The following KCNIP4 variants were observed in gnomAD, a reference collection of about 807,000 sequenced individuals.
KCNIP4 encodes the protein potassium voltage-gated channel interacting protein 4, also known as Kv channel-interacting protein 4.
A neutral mutation model predicts 34.0 loss-of-function variants in KCNIP4; 12 were observed. That is an observed-to-expected ratio of 0.35 (90% CI 0.23 to 0.57). KCNIP4 has a LOEUF of 0.57. Ranked by LOEUF, KCNIP4 falls within the 20% of genes least tolerant of loss-of-function variation. The pLI is 0.83. For synonymous variants in KCNIP4, 124 were observed against 102.2 expected (o/e 1.21, Z -1.29); for missense variants, 238 against 311.7 (o/e 0.76, Z 1.78).
chr4:20,844,386 C>T (rs1451435702), intron 3 of KCNIP4, among the ~76,000 whole-genome samples: 2 of 152,126 alleles, frequency 1.3e-5, no homozygotes, highest in South Asian at 2.1e-4. Context: ...TTAAGGAAGG[C>T]CTTTTATCTG....
intron 1 of KCNIP4, among the ~76,000 whole-genome samples, chr4:20,958,175 C>A: frequency 6.6e-6 from 1 of 152,204 alleles, no homozygotes; most frequent in Non-Finnish European, 1.5e-5. Context: ...AGAAAGGACT[C>A]CTGTGAAATT....
At chr4:21,103,372 T>G (rs921656868) in intron 1 of KCNIP4, among the ~76,000 whole-genome samples, 1 of 146,976 alleles carries the variant, frequency 6.8e-6, no homozygotes, top group Non-Finnish European at 1.5e-5. Context: ...ATATATAAGA[T>G]ATATATATTT....
Position 21,195,136 on chromosome 4 carries a change from C to T in KCNIP4, c.62-312427G>A, listed in dbSNP as rs373664964. 1.1e-3 allele frequency among the ~76,000 whole-genome samples: 168 copies of T among 152,250 alleles called. 4 individuals carry two copies. The South Asian group carries it at 0.034, about 31-fold the overall frequency. ...CACTTGTCCAGGAAATCTTCATTGC[C>T]GCAAATGTTCTCTCCCTCAAGGTCA... On this transcript the variant is annotated intron_variant, in intron 1 of 8. Transcript: ENST00000382152.
intron 1 of KCNIP4, among the ~76,000 whole-genome samples, chr4:21,907,220 A>G (rs1728053467): frequency 6.6e-6 from 1 of 152,160 alleles, no homozygotes; most frequent in South Asian, 2.1e-4. Context: ...TTCTCAGAGC[A>G]GTAAGTGAAT....
chr4:21,611,852 C>T (rs1379883173), intron 1 of KCNIP4, among the ~76,000 whole-genome samples: 1 of 152,116 alleles, frequency 6.6e-6, no homozygotes, highest in East Asian at 1.9e-4. Flanking sequence ...GGTACAAGAC[C>T]AACTATGGAA....
intron 1 of KCNIP4, among the ~76,000 whole-genome samples, chr4:21,670,902 C>T (rs1386248908): frequency 2.6e-5 from 4 of 151,684 alleles, no homozygotes; most frequent in Non-Finnish European, 4.4e-5. Flanking sequence ...GTGATCCGCC[C>T]GCCTCGGCCT....
chr4:21,534,007 T>A (rs766390957), intron 1 of KCNIP4, among the ~76,000 whole-genome samples: 3 of 152,148 alleles, frequency 2.0e-5, no homozygotes, highest in African/African-American at 7.2e-5. Flanking sequence ...CATATGACCT[T>A]TGGCTAGACT....
chr4:21,325,789 T>C (rs924262492), intron 1 of KCNIP4, among the ~76,000 whole-genome samples: 3 of 151,940 alleles, frequency 2.0e-5, no homozygotes, highest in Non-Finnish European at 4.4e-5. Flanking sequence ...TTTTTACATG[T>C]TGTGTTTTCA....
chr4:21,365,529 T>G (rs201723428), intron 1 of KCNIP4, among the ~76,000 whole-genome samples: 2 of 39,340 alleles, frequency 5.1e-5, no homozygotes, highest in African/African-American at 1.2e-4. Flanking sequence ...AAATAAAAAA[T>G]AAAGAAAGAA....
At chr4:21,374,439 G>A (rs1374243596) in intron 1 of KCNIP4, among the ~76,000 whole-genome samples, 1 of 146,884 alleles carries the variant, frequency 6.8e-6, no homozygotes, top group East Asian at 2.0e-4. Flanking sequence ...AACAGTATGC[G>A]GGAAACCATA....
In KCNIP4 at chr4:21,742,563, T is replaced by C. The variant is rs149262933; in HGVS notation, c.61+206008A>G. 8.8e-3 allele frequency among the ~76,000 whole-genome samples: 1,335 copies of C among 152,326 alleles called. 19 individuals carry two copies. Among genetic ancestry groups the C allele is most frequent in the South Asian group, 0.039 (188 of 4,832 alleles). Reference sequence around the variant, plus strand: ...AATCAGCATTTCAAGTTCCAATTACTTGTGACAATGAAAAGATGGAGTTAC... The same window carrying C: ...AATCAGCATTTCAAGTTCCAATTACCTGTGACAATGAAAAGATGGAGTTAC... On this transcript the variant is annotated intron_variant, in intron 1 of 8. Transcript: ENST00000382152.
At chr4:21,534,486 G>A (rs1032724228) in intron 1 of KCNIP4, among the ~76,000 whole-genome samples, 6 of 152,156 alleles carry the variant, frequency 3.9e-5, no homozygotes, top group Non-Finnish European at 7.3e-5. Context: ...TGAATCTTAA[G>A]AAGTTGCTTG....
intron 1 of KCNIP4, among the ~76,000 whole-genome samples, chr4:21,880,131 T>C (rs990394647): frequency 6.6e-6 from 1 of 152,172 alleles, no homozygotes; most frequent in African/African-American, 2.4e-5. Flanking sequence ...TATAGTTGAC[T>C]GTCTTGCTTT....
intron 1 of KCNIP4, among the ~76,000 whole-genome samples, chr4:21,865,817 A>G (rs921627900): frequency 4.6e-5 from 7 of 151,992 alleles, no homozygotes; most frequent in African/African-American, 1.7e-4. Flanking sequence ...TGCTGGGATT[A>G]CAGGCATGAG....
chr4:21,591,797 A>G (rs1742244827), intron 1 of KCNIP4, among the ~76,000 whole-genome samples: 1 of 152,146 alleles, frequency 6.6e-6, no homozygotes, highest in Non-Finnish European at 1.5e-5. Flanking sequence ...ATCTATCAGA[A>G]ACATTCTGAA....
chr4:21,894,288 T>C (rs1406157029), intron 1 of KCNIP4, among the ~76,000 whole-genome samples: 2 of 152,090 alleles, frequency 1.3e-5, no homozygotes, highest in African/African-American at 4.8e-5. Context: ...TGAGCCGAGA[T>C]TGAGCTACTG....
intron 1 of KCNIP4, among the ~76,000 whole-genome samples, chr4:21,300,323 A>G (rs1711537489): frequency 6.6e-6 from 1 of 152,116 alleles, no homozygotes; most frequent in African/African-American, 2.4e-5. Flanking sequence ...AAGTTTCAGG[A>G]GTATTCCAAA....
chr4:21,749,980 G>A (rs1717042333), intron 1 of KCNIP4, among the ~76,000 whole-genome samples: 1 of 152,144 alleles, frequency 6.6e-6, no homozygotes, highest in Non-Finnish European at 1.5e-5. Flanking sequence ...GTTACCAGCT[G>A]TCAATGGTGG....
chr4:21,638,339 C>T (rs1746372652), intron 1 of KCNIP4, among the ~76,000 whole-genome samples: 1 of 152,158 alleles, frequency 6.6e-6, no homozygotes, highest in Non-Finnish European at 1.5e-5. Context: ...TCAGATGGCA[C>T]TCAATGCACA....
Sources: gnomAD v4.1 joint callset for allele counts (sites outside exome capture counted in the v4.1 genomes callset) on GRCh38, gnomAD v4.1.1 for gene constraint, MANE v1.5 for transcripts, NCBI Gene and HGNC (gene_info 2026-07-23, HGNC 2026-07-21) for gene names.